The following CNTN4 variants were observed in gnomAD, a reference collection of about 807,000 sequenced individuals.
The protein encoded by CNTN4 is contactin-4.
In CNTN4, 77 loss-of-function variants were observed where a neutral mutation model predicts 122.5. The observed-to-expected ratio is 0.63, with a 90% CI of 0.52 to 0.76. The LOEUF (loss-of-function observed/expected upper bound fraction) is 0.76, where lower values mean the gene tolerates loss of function less well. Ranked by LOEUF, CNTN4 falls within the 30% of genes least tolerant of loss-of-function variation. The pLI is 0.00. For missense variants in CNTN4, 1,256 were observed against 1,259.1 expected (o/e 1.00, Z 0.04); for synonymous variants, 512 against 447.0 (o/e 1.15, Z -1.83).
intron 4 of CNTN4, among the ~76,000 whole-genome samples, chr3:2,692,697 T>A (rs1397009660): frequency 6.6e-6 from 1 of 152,166 alleles, no homozygotes; most frequent in Non-Finnish European, 1.5e-5. Flanking sequence ...TTGTGGTGAC[T>A]CTGTCAAGAA....
intron 3 of CNTN4, among the ~76,000 whole-genome samples, chr3:2,414,695 C>T (rs1343112318): frequency 6.6e-6 from 1 of 151,922 alleles, no homozygotes; most frequent in East Asian, 1.9e-4. Flanking sequence ...AATTATCATA[C>T]CTAGACATTC....
At chr3:3,028,944 T>C (rs1698951203) in intron 15 of CNTN4, among the ~76,000 whole-genome samples, 1 of 152,184 alleles carries the variant, frequency 6.6e-6, no homozygotes, top group South Asian at 2.1e-4. Context: ...ACTTGTCATA[T>C]ACTCGGGTTC....
chr3:2,343,119 A>C (rs1216171822), intron 3 of CNTN4, among the ~76,000 whole-genome samples: 2 of 152,194 alleles, frequency 1.3e-5, no homozygotes, highest in Non-Finnish European at 2.9e-5. Flanking sequence ...ATGTTTTAGG[A>C]AGACAAAATT....
chr3:2,607,043 A>C (rs1192426079), intron 4 of CNTN4, among the ~76,000 whole-genome samples: 1 of 152,138 alleles, frequency 6.6e-6, no homozygotes, highest in Non-Finnish European at 1.5e-5. Flanking sequence ...TTTAGGACAC[A>C]TTTAATCTTC....
chr3:2,766,182 A>G (rs1370428633), intron 6 of CNTN4, among the ~76,000 whole-genome samples: 1 of 152,168 alleles, frequency 6.6e-6, no homozygotes, highest in East Asian at 1.9e-4. Context: ...TTCTTCAGTG[A>G]CTGCCTCTCT....
At chr3:2,654,236 G>T (rs188509911) in intron 4 of CNTN4, among the ~76,000 whole-genome samples, 1 of 152,192 alleles carries the variant, frequency 6.6e-6, no homozygotes, top group African/African-American at 2.4e-5. Flanking sequence ...CCTTGGCAAT[G>T]GCCAGTTGTT....
chr3:2,811,499 C>T (rs935158651), intron 6 of CNTN4, among the ~76,000 whole-genome samples: 9 of 150,732 alleles, frequency 6.0e-5, no homozygotes, highest in Admixed American at 6.6e-5. Flanking sequence ...CTCGCTCTGT[C>T]GCCCAGGCTA....
rs978982870 is a variant in CNTN4, at chr3:3,047,273, A to G, written c.2811+3569A>G. ...AATTGAACTCAGCTCTGCACCAAGC[A>G]GACCTAATAGACATCTACAGAACTC... is the stretch of plus-strand genomic sequence containing the variant. On this transcript the variant is annotated intron_variant, in intron 23 of 24. Transcript: ENST00000418658. Among the ~76,000 whole-genome samples, 7 of 152,192 alleles carry G rather than the reference A, an allele frequency of 4.6e-5. No homozygotes were observed. In the East Asian group the frequency reaches 7.7e-4, roughly 17 times the overall value.
At chr3:2,921,071 A>C (rs2094425094) in intron 12 of CNTN4, among the ~76,000 whole-genome samples, 2 of 152,214 alleles carry the variant, frequency 1.3e-5, no homozygotes, top group South Asian at 4.1e-4. Context: ...ACAGGGTCTC[A>C]CCGTCACCAA....
chr3:2,645,593 A>T (rs78983625), intron 4 of CNTN4, among the ~76,000 whole-genome samples: 2,169 of 152,306 alleles, frequency 0.014, 52 homozygotes, highest in African/African-American at 0.05. Flanking sequence ...CACTTAAATT[A>T]TAAAGGCCTC....
intron 4 of CNTN4, among the ~76,000 whole-genome samples, chr3:2,640,364 G>A (rs1338565927): frequency 1.3e-5 from 2 of 152,156 alleles, no homozygotes; most frequent in East Asian, 1.9e-4. Context: ...CTGTTTATGG[G>A]TTAGCATGGA....
chr3:2,766,162 T>C (rs1439394653), intron 6 of CNTN4, among the ~76,000 whole-genome samples: 1 of 152,224 alleles, frequency 6.6e-6, no homozygotes, highest in Admixed American at 6.6e-5. Context: ...CCACTCTGGT[T>C]AATGTGGCCT....
chr3:2,771,382 A>C (rs370536609), intron 6 of CNTN4, among the ~76,000 whole-genome samples: 42 of 152,320 alleles, frequency 2.8e-4, no homozygotes, highest in East Asian at 2.3e-3. Context: ...CTCATCTCTA[A>C]TGCAGTGTTG....
chr3:2,372,499 T>C (rs2045669311), intron 3 of CNTN4, among the ~76,000 whole-genome samples: 1 of 152,208 alleles, frequency 6.6e-6, no homozygotes, highest in Non-Finnish European at 1.5e-5. Context: ...TCTAAAACTA[T>C]AAATCAGGGA....
chr3:2,732,914 T>A (rs1339386924), intron 4 of CNTN4, among the ~76,000 whole-genome samples: 1 of 152,228 alleles, frequency 6.6e-6, no homozygotes, highest in Non-Finnish European at 1.5e-5. Context: ...TTTATGCTAA[T>A]GTTAATTTTC....
chr3:2,239,720 T>A (rs2039855918), intron 2 of CNTN4, among the ~76,000 whole-genome samples: 1 of 152,204 alleles, frequency 6.6e-6, no homozygotes, highest in Admixed American at 6.5e-5. Flanking sequence ...ATTAAGAAGT[T>A]ACAGGGACCA....
chr3:2,312,502 C>G (rs1214271307), intron 2 of CNTN4, among the ~76,000 whole-genome samples: 1 of 151,964 alleles, frequency 6.6e-6, no homozygotes, highest in East Asian at 1.9e-4. Flanking sequence ...TTACAAAGAT[C>G]TATGAAAAAT....
intron 3 of CNTN4, among the ~76,000 whole-genome samples, chr3:2,354,068 A>G (rs2044763610): frequency 1.3e-5 from 2 of 152,252 alleles, no homozygotes; most frequent in Non-Finnish European, 2.9e-5. Flanking sequence ...CCAACATCTC[A>G]TAACATCTCT....
intron 3 of CNTN4, among the ~76,000 whole-genome samples, chr3:2,361,569 A>G (rs2045142337): frequency 6.6e-6 from 1 of 152,240 alleles, no homozygotes; most frequent in Non-Finnish European, 1.5e-5. Context: ...CATTCAGCCC[A>G]CACTAAAAAG....
Sources: allele counts gnomAD v4.1 joint callset (sites outside exome capture counted in the v4.1 genomes callset), GRCh38; gene constraint gnomAD v4.1.1; transcripts MANE v1.5; gene names NCBI Gene and HGNC (gene_info 2026-07-23, HGNC 2026-07-21).